LGSN: variants seen among roughly 807,000 people sequenced by gnomAD.
The protein encoded by LGSN is lengsin, lens protein with glutamine synthetase domain.
A neutral mutation model predicts 19.5 loss-of-function variants in LGSN; 21 were observed. The ratio of observed to expected loss-of-function variants is 1.07; its 90% confidence interval spans 0.76 to 1.55. The LOEUF (loss-of-function observed/expected upper bound fraction) is 1.55. Ranked by LOEUF, LGSN falls within the 40% of genes most tolerant of loss-of-function variation. The pLI, the probability that LGSN is intolerant of heterozygous loss-of-function variation, is 0.00. For synonymous variants in LGSN, 257 were observed against 215.6 expected (o/e 1.19, Z -1.68); for missense variants, 673 against 608.5 (o/e 1.11, Z -1.12).
chr6:63,454,062 G>T, the LGSN span, among the ~76,000 whole-genome samples: 1 of 152,146 alleles, frequency 6.6e-6, no homozygotes, highest in Non-Finnish European at 1.5e-5. Flanking sequence ...GCCCCTTGCT[G>T]CCTCTCCATT....
chr6:63,458,064 A>ATTTT, the LGSN span, among the ~76,000 whole-genome samples: 2 of 114,450 alleles, frequency 1.7e-5, no homozygotes, highest in African/African-American at 5.5e-5. Flanking sequence ...TTTTATTTTT[A>ATTTT]TTTATTTATT....
intron 2 of LGSN, among the ~76,000 whole-genome samples, chr6:63,286,255 T>C (rs1767533041): frequency 6.6e-6 from 1 of 152,198 alleles, no homozygotes; most frequent in African/African-American, 2.4e-5. Context: ...CCAAAGGGCT[T>C]TATATCTTTT....
chr6:63,320,838 A>C (rs1287721987), upstream of LGSN, among the ~76,000 whole-genome samples: 1 of 152,200 alleles, frequency 6.6e-6, no homozygotes, highest in Non-Finnish European at 1.5e-5. Context: ...CCTGAGGAAG[A>C]CCAAGCCAAT....
the LGSN span, among the ~76,000 whole-genome samples, chr6:63,429,534 G>A: frequency 2.6e-4 from 40 of 152,134 alleles, no homozygotes; most frequent in Non-Finnish European, 4.7e-4. Context: ...TCAGGAGTTC[G>A]AGACGAGCCT....
At chr6:63,527,079 T>C in the LGSN span, among the ~76,000 whole-genome samples, 2 of 152,092 alleles carry the variant, frequency 1.3e-5, no homozygotes, top group Non-Finnish European at 2.9e-5. Context: ...GTTTCTTTTA[T>C]CTGAGAGTCC....
chr6:63,322,089 C>T (rs893607549), upstream of LGSN, among the ~76,000 whole-genome samples: 1 of 152,120 alleles, frequency 6.6e-6, no homozygotes, highest in Admixed American at 6.5e-5. Context: ...CAAGGGGAAA[C>T]AATATGTTGT....
At chr6:63,482,827 A>G in the LGSN span, among the ~76,000 whole-genome samples, 1 of 152,136 alleles carries the variant, frequency 6.6e-6, no homozygotes, top group East Asian at 1.9e-4. Flanking sequence ...TAGCCTTCCG[A>G]ATAGCTGGGA....
the LGSN span, among the ~76,000 whole-genome samples, chr6:63,480,940 G>GAGATATATAT: frequency 4.3e-3 from 256 of 59,766 alleles, 15 homozygotes; most frequent in South Asian, 6.0e-3. Context: ...TAAAGAAAAT[G>GAGATATATAT]ATATATATAT....
chr6:63,353,005 C>T, the LGSN span, among the ~76,000 whole-genome samples: 39 of 152,162 alleles, frequency 2.6e-4, no homozygotes, highest in Admixed American at 1.8e-3. Flanking sequence ...TTCTCTGTAA[C>T]GCTGAAGACA....
At chr6:63,412,436 AAGAAAGC>A in the LGSN span, among the ~76,000 whole-genome samples, 1 of 137,144 alleles carries the variant, frequency 7.3e-6, no homozygotes, top group Admixed American at 7.4e-5. Context: ...GAAAGAAAGA[AAGAAAGC>A]AAGAAAGAAA....
At chr6:63,436,420 A>G in the LGSN span, among the ~76,000 whole-genome samples, 2 of 152,306 alleles carry the variant, frequency 1.3e-5, no homozygotes, top group Middle Eastern at 3.4e-3. Flanking sequence ...CTTTTCTAAA[A>G]CAATCATATA....
chr6:63,358,008 T>A, the LGSN span, among the ~76,000 whole-genome samples: 1 of 152,186 alleles, frequency 6.6e-6, no homozygotes, highest in East Asian at 1.9e-4. Flanking sequence ...TTAATTTTTG[T>A]ATAAGGTGTA....
At chr6:63,419,619 T>C in the LGSN span, among the ~76,000 whole-genome samples, 2 of 152,038 alleles carry the variant, frequency 1.3e-5, no homozygotes, top group East Asian at 3.9e-4. Context: ...CCTGGCAGGG[T>C]GGCTCACGCC....
chr6:63,323,324 C>T (rs531292120), upstream of LGSN, among the ~76,000 whole-genome samples: 1 of 152,202 alleles, frequency 6.6e-6, no homozygotes, highest in African/African-American at 2.4e-5. Context: ...GAAGTCTTGG[C>T]TTTTAGTGTA....
At chr6:63,285,430 A>T (rs943218847) in intron 3 of LGSN, among the ~76,000 whole-genome samples, 157 bp downstream of exon 3, 1 of 152,236 alleles carries the variant, frequency 6.6e-6, no homozygotes, top group Non-Finnish European at 1.5e-5. Flanking sequence ...GGGAGCAATA[A>T]TGTGTTTGGG....
chr6:63,467,746 C>T, the LGSN span, among the ~76,000 whole-genome samples: 1 of 152,294 alleles, frequency 6.6e-6, no homozygotes, highest in Non-Finnish European at 1.5e-5. Flanking sequence ...GGCTGCAGTG[C>T]GGTGGCGTGA....
intron 1 of LGSN, among the ~76,000 whole-genome samples, chr6:63,315,948 G>A (rs1252063234): frequency 3.3e-5 from 5 of 150,776 alleles, no homozygotes; most frequent in Non-Finnish European, 7.4e-5. Flanking sequence ...ACAAAGCACA[G>A]AAGGAAAATC....
the LGSN span, among the ~76,000 whole-genome samples, chr6:63,360,009 G>A: frequency 1.3e-5 from 2 of 152,200 alleles, no homozygotes; most frequent in African/African-American, 2.4e-5. Context: ...CTTCTGGATT[G>A]TAGAGTTTCT....
At chr6:63,372,153 A>C in the LGSN span, among the ~76,000 whole-genome samples, 1 of 152,218 alleles carries the variant, frequency 6.6e-6, no homozygotes, top group African/African-American at 2.4e-5. Flanking sequence ...CAAAAGAAAT[A>C]CAGTGAATAA....
Sources: allele counts gnomAD v4.1 joint callset (sites outside exome capture counted in the v4.1 genomes callset), GRCh38; gene constraint gnomAD v4.1.1; transcripts MANE v1.5; gene names NCBI Gene and HGNC (gene_info 2026-07-23, HGNC 2026-07-21).